ZFHX3: variants seen among roughly 807,000 people sequenced by gnomAD.
ZFHX3 encodes zinc finger homeobox 3.
A neutral mutation model predicts 279.1 loss-of-function variants in ZFHX3; 42 were observed. That is an observed-to-expected ratio of 0.15 (90% CI 0.12 to 0.19). The LOEUF is 0.19. ZFHX3 is among the 10% of genes least tolerant of loss of function. The pLI, the probability that ZFHX3 is intolerant of heterozygous loss-of-function variation, is 1.00. For missense variants in ZFHX3, 4,981 were observed against 4,754.0 expected (o/e 1.05, Z -1.40); for synonymous variants, 2,293 against 1,957.8 (o/e 1.17, Z -4.52).
intron 3 of ZFHX3, among the ~76,000 whole-genome samples, chr16:72,936,165 GT>G (rs980432494): frequency 6.6e-6 from 1 of 152,184 alleles, no homozygotes; most frequent in Non-Finnish European, 1.5e-5. Flanking sequence ...CAATGACCTG[GT>G]CCACACAAGC....
intron 2 of ZFHX3, among the ~76,000 whole-genome samples, chr16:73,597,590 C>G (rs879611420): frequency 6.6e-6 from 1 of 152,144 alleles, no homozygotes; most frequent in African/African-American, 2.4e-5. Flanking sequence ...CATGAGAACA[C>G]ACAGAGAGGA....
intron 3 of ZFHX3, among the ~76,000 whole-genome samples, chr16:73,441,073 A>G (rs939254409): frequency 2.0e-5 from 3 of 152,148 alleles, no homozygotes; most frequent in African/African-American, 4.8e-5. Context: ...TTCCAGGTTT[A>G]TATAGGGGTT....
At chr16:73,611,779 AGTT>A (rs1195068489) in intron 2 of ZFHX3, among the ~76,000 whole-genome samples, 2 of 152,178 alleles carry the variant, frequency 1.3e-5, no homozygotes, top group African/African-American at 4.8e-5. Flanking sequence ...AATAATTTAT[AGTT>A]GTTTCTGCAC....
chr16:73,031,725 G>A (rs933260141), intron 1 of ZFHX3, among the ~76,000 whole-genome samples: 9 of 152,142 alleles, frequency 5.9e-5, no homozygotes, highest in Admixed American at 2.0e-4. Flanking sequence ...ACCAGAACGC[G>A]GGCGTGCAGG....
chr16:73,783,176 C>A (rs1046914304), intron 1 of ZFHX3, among the ~76,000 whole-genome samples: 1 of 152,184 alleles, frequency 6.6e-6, no homozygotes, highest in Non-Finnish European at 1.5e-5. Flanking sequence ...GATGAGCCAC[C>A]CCAGGCACAA....
intron 7 of ZFHX3, among the ~76,000 whole-genome samples, chr16:73,121,137 CAATAT>C (rs1412785563): frequency 1.3e-5 from 2 of 152,096 alleles, no homozygotes; most frequent in Non-Finnish European, 2.9e-5. Flanking sequence ...TAAATCAAAG[CAATAT>C]AATATATGTT....
chr16:73,655,419 ACT>A (rs1037174231), intron 2 of ZFHX3, among the ~76,000 whole-genome samples: 8 of 152,290 alleles, frequency 5.3e-5, no homozygotes, highest in African/African-American at 1.9e-4. Flanking sequence ...AGAATAGGAG[ACT>A]CTACCAAGTC....
intron 1 of ZFHX3, among the ~76,000 whole-genome samples, chr16:73,789,477 G>C (rs986210099): frequency 1.3e-5 from 2 of 152,146 alleles, no homozygotes; most frequent in African/African-American, 4.8e-5. Context: ...ACCGTGCCCG[G>C]CTGGGAAAAG....
In ZFHX3 at chr16:73,357,087, T is replaced by C. The variant is rs148725183; in HGVS notation, c.-1290-38751A>G. 2.2e-4 allele frequency among the ~76,000 whole-genome samples: 34 copies of C among 152,136 alleles called. 1 individual carries two copies. The highest frequency in any genetic ancestry group is 1.8e-3 in the Admixed American group (27 of 15,268). On this transcript the variant is annotated intron_variant, in intron 3 of 17. Transcript: ENST00000641206. ...TTTATGGACTTCTTTCCTTCCCCTCTTTCCCTTTCCCCACTCCTCTACTAG... is the reference window on the plus strand; with the variant it reads ...TTTATGGACTTCTTTCCTTCCCCTCCTTCCCTTTCCCCACTCCTCTACTAG...
intron 1 of ZFHX3, among the ~76,000 whole-genome samples, chr16:73,856,252 A>G (rs1295851249): frequency 6.6e-6 from 1 of 152,202 alleles, no homozygotes; most frequent in East Asian, 1.9e-4. Context: ...TTTGTGTGCT[A>G]TTCCATAGTT....
rs116520520 is a variant in ZFHX3, at chr16:73,445,195, T to C, written c.-1291+10808A>G. Among the ~76,000 whole-genome samples the C allele has an allele frequency of 6.8e-3, 1,040 of 152,102 alleles. 19 individuals are homozygous for C. The highest frequency in any genetic ancestry group is 0.024 in the African/African-American group (1,001 of 41,498). ...ATAGATGTATATATGTAGTTCTGTA[T>C]ATGTATATACATAATTCGAATATAT... is the stretch of plus-strand genomic sequence containing the variant. On this transcript the variant is annotated intron_variant, in intron 3 of 17. Transcript: ENST00000641206.
chr16:73,492,734 CATT>C (rs774404294), intron 2 of ZFHX3, among the ~76,000 whole-genome samples: 6 of 152,188 alleles, frequency 3.9e-5, no homozygotes, highest in Non-Finnish European at 7.3e-5. Flanking sequence ...TTATCTTTGT[CATT>C]ATTATATTGC....
At position 73,514,717 on chromosome 16, in the gene ZFHX3, G is replaced by A. The variant is rs530480216; in HGVS notation, c.-1546-58459C>T. ...AGTGACCAAGGTCTCCTTGATCTGA[G>A]ACTACCTCCTGCTAAAGCACTCTAT... is the stretch of plus-strand genomic sequence containing the variant. On this transcript the variant is annotated intron_variant, in intron 2 of 17. Coordinates refer to the ZFHX3 transcript ENST00000641206. 3.3e-5 allele frequency among the ~76,000 whole-genome samples: 5 copies of A among 152,256 alleles called. No individual in the cohort carries two copies. The East Asian group carries it at 5.8e-4, about 18-fold the overall frequency.
chr16:72,938,582 A>G (rs1310910800), intron 3 of ZFHX3, among the ~76,000 whole-genome samples: 1 of 152,238 alleles, frequency 6.6e-6, no homozygotes, highest in African/African-American at 2.4e-5. Context: ...AACATCAGGG[A>G]GGAATAGCCA....
In ZFHX3 at chr16:72,929,349, T is replaced by G. The variant is rs1335993073; in HGVS notation, c.3216+21120A>C. 3.9e-5 allele frequency among the ~76,000 whole-genome samples: 6 copies of G among 152,170 alleles called. No individual in the cohort carries two copies. In the East Asian group the frequency reaches 1.2e-3, roughly 29 times the overall value. On this transcript the variant is annotated intron_variant, in intron 3 of 9. Transcript: ENST00000268489. The stretch of plus-strand genomic sequence containing the variant: ...ATATGTTAAATTAACTGACCCTTGC[T>G]TGGGGAGAGGTCCACCCGGGGGTGA...
chr16:73,479,871 G>C, intron 2 of ZFHX3, among the ~76,000 whole-genome samples: 1 of 152,166 alleles, frequency 6.6e-6, no homozygotes, highest in East Asian at 1.9e-4. Context: ...CCTCCTTGGG[G>C]ACCTTGAGGG....
intron 3 of ZFHX3, among the ~76,000 whole-genome samples, chr16:73,325,530 A>G (rs1294895631): frequency 1.3e-5 from 2 of 152,082 alleles, no homozygotes; most frequent in South Asian, 2.1e-4. Flanking sequence ...TTCTTATTTC[A>G]TATCATATGG....
intron 3 of ZFHX3, among the ~76,000 whole-genome samples, chr16:73,367,867 C>CTTTTTTTTTTTTTTTTTTTTTTTTT (rs10718886): frequency 8.7e-6 from 1 of 115,430 alleles, no homozygotes. Context: ...TAAGGAAGGT[C>CTTTTTTTTTTTTTTTTTTTTTTTTT]TTTTTTTTTT....
chr16:73,271,637 T>G (rs563806349), intron 4 of ZFHX3, among the ~76,000 whole-genome samples: 6 of 152,240 alleles, frequency 3.9e-5, no homozygotes, highest in Non-Finnish European at 7.3e-5. Context: ...AACAGCTGTA[T>G]AGCTTTCAAA....
Sources: allele counts gnomAD v4.1 joint callset (sites outside exome capture counted in the v4.1 genomes callset), GRCh38; gene constraint gnomAD v4.1.1; transcripts MANE v1.5; gene names NCBI Gene and HGNC (gene_info 2026-07-23, HGNC 2026-07-21).